FOXN3: variants seen among roughly 807,000 people sequenced by gnomAD.
The protein encoded by FOXN3 is forkhead box N3.
In FOXN3, 7 loss-of-function variants were observed where a neutral mutation model predicts 38.4. The ratio of observed to expected loss-of-function variants is 0.18; its 90% CI spans 0.10 to 0.34. FOXN3 has a LOEUF of 0.34. Among genes scored for constraint, FOXN3 ranks in the 10% least tolerant of loss-of-function variants. The pLI is 1.00. For missense variants in FOXN3, 456 were observed against 613.4 expected, an observed-to-expected ratio of 0.74 and a Z score of 2.71; for synonymous variants, 230 against 242.2, an observed-to-expected ratio of 0.95 and a Z score of 0.47.
At chr14:89,544,591 C>T (rs1209340606) in intron 1 of FOXN3, among the ~76,000 whole-genome samples, 1 of 152,134 alleles carries the variant, frequency 6.6e-6, no homozygotes, top group African/African-American at 2.4e-5. Flanking sequence ...ATTTGGAATA[C>T]ATTTACTATC....
At chr14:89,444,539 C>T (rs905089110) in intron 1 of FOXN3, among the ~76,000 whole-genome samples, 3 of 151,870 alleles carry the variant, frequency 2.0e-5, no homozygotes, top group African/African-American at 4.8e-5. Flanking sequence ...GTAGGAGAAA[C>T]GGTTATTATA....
chr14:89,318,825 C>T (rs542731154), intron 3 of FOXN3, among the ~76,000 whole-genome samples: 97 of 152,330 alleles, frequency 6.4e-4, no homozygotes, highest in Admixed American at 5.6e-3. Context: ...CAGATGAAGC[C>T]GCCGACCCGA....
At chr14:89,553,291 G>T (rs2139866367) in intron 1 of FOXN3, among the ~76,000 whole-genome samples, 1 of 150,936 alleles carries the variant, frequency 6.6e-6, no homozygotes, top group African/African-American at 2.4e-5. Flanking sequence ...TTTCTGGTGT[G>T]GGGGGCTACA....
chr14:89,226,983 ATC>A (rs1884660419), intron 4 of FOXN3, among the ~76,000 whole-genome samples: 1 of 152,168 alleles, frequency 6.6e-6, no homozygotes, highest in Non-Finnish European at 1.5e-5. Flanking sequence ...GAGACAATAA[ATC>A]TCTGTTGTTG....
At chr14:89,223,741 G>C (rs541868825) in intron 4 of FOXN3, among the ~76,000 whole-genome samples, 2 of 152,136 alleles carry the variant, frequency 1.3e-5, no homozygotes, top group African/African-American at 2.4e-5. Context: ...TGGAAGTCAG[G>C]GGGAGAGGCG....
At chr14:89,486,331 A>C (rs1156426638) in intron 1 of FOXN3, among the ~76,000 whole-genome samples, 1 of 152,220 alleles carries the variant, frequency 6.6e-6, no homozygotes, top group Non-Finnish European at 1.5e-5. Flanking sequence ...AGAATTTTAA[A>C]TAAAGATGTG....
rs1887101020 is a variant in FOXN3 at position 89,161,568 on chromosome 14, TGTGTGTGTGTGTG to T, written c.*833_*845del. 1 of 131,024 alleles carries T rather than the reference TGTGTGTGTGTGTG, an allele frequency of 7.6e-6. No individual in the cohort carries two copies. Among genetic ancestry groups the T allele is most frequent in the African/African-American group, 3.4e-5 (1 of 29,400 alleles). 8.1% of individuals were successfully genotyped at this position (131,024 alleles called of 1,614,324 possible). A position where few individuals can be genotyped will look rare whatever the true frequency, so the allele number is the denominator to read the frequency against. The stretch of plus-strand genomic sequence containing the variant: ...TCTCTCTCTCCTTCGTGTGTGTGTG[TGTGTGTGTGTGTG>T]TGTGTGTGTGTGTGTGCGTGCGTGC... On this transcript the variant is annotated 3_prime_UTR_variant, in exon 6 of 6. Transcript: ENST00000557258.
chr14:89,387,229 T>A (rs888836182), intron 2 of FOXN3, among the ~76,000 whole-genome samples: 12 of 152,138 alleles, frequency 7.9e-5, no homozygotes, highest in African/African-American at 2.9e-4. Flanking sequence ...GCACTTTAGC[T>A]TGGGAGACAG....
chr14:89,196,225 C>T (rs1284122620), intron 4 of FOXN3, among the ~76,000 whole-genome samples: 1 of 152,182 alleles, frequency 6.6e-6, no homozygotes, highest in African/African-American at 2.4e-5. Flanking sequence ...GGGAGACAAA[C>T]AGGTAACACA....
intron 2 of FOXN3, among the ~76,000 whole-genome samples, chr14:89,379,193 C>G (rs1006888678): frequency 6.6e-6 from 1 of 152,212 alleles, no homozygotes; most frequent in Non-Finnish European, 1.5e-5. Context: ...GGCTGTGTCT[C>G]CTCGGTGCCA....
intron 4 of FOXN3, among the ~76,000 whole-genome samples, chr14:89,256,274 A>G (rs1028377060): frequency 6.6e-6 from 1 of 152,196 alleles, no homozygotes; most frequent in Non-Finnish European, 1.5e-5. Flanking sequence ...AAAATCAATC[A>G]ATCAGTCAAT....
At chr14:89,278,832 G>A (rs1886376199) in intron 4 of FOXN3, among the ~76,000 whole-genome samples, 2 of 152,268 alleles carry the variant, frequency 1.3e-5, no homozygotes, top group South Asian at 4.2e-4. Flanking sequence ...AAAAACCTGA[G>A]AGAGTGGCAT....
chr14:89,498,210 C>CTTTTTTTTTTTTTTTTTTTT (rs547081117), intron 1 of FOXN3, among the ~76,000 whole-genome samples: 1 of 81,072 alleles, frequency 1.2e-5, no homozygotes, highest in Non-Finnish European at 2.2e-5. Context: ...CTCTCTCTCT[C>CTTTTTTTTTTTTTTTTTTTT]TTTTTTTTTT....
At chr14:89,384,310 A>C (rs1345779693) in intron 2 of FOXN3, among the ~76,000 whole-genome samples, 1 of 137,288 alleles carries the variant, frequency 7.3e-6, no homozygotes. Flanking sequence ...CACTGTGCTC[A>C]CTTTGCAGAT....
intron 1 of FOXN3, among the ~76,000 whole-genome samples, chr14:89,486,088 G>A (rs1893438751): frequency 6.6e-6 from 1 of 152,144 alleles, no homozygotes; most frequent in Non-Finnish European, 1.5e-5. Context: ...TGCCTAAACT[G>A]TGGGCTCCCT....
At chr14:89,601,467 C>T (rs889587518) in intron 1 of FOXN3, among the ~76,000 whole-genome samples, 1 of 152,186 alleles carries the variant, frequency 6.6e-6, no homozygotes, top group Non-Finnish European at 1.5e-5. Flanking sequence ...CACAATTTAA[C>T]TTAGGTCCAT....
intron 5 of FOXN3, among the ~76,000 whole-genome samples, chr14:89,171,649 GTTATC>G (rs1887391383): frequency 1.3e-5 from 2 of 152,120 alleles, no homozygotes; most frequent in Admixed American, 6.5e-5. Context: ...AAATTTTATA[GTTATC>G]TTAACAATGC....
At chr14:89,372,705 C>T (rs1406451504) in intron 2 of FOXN3, among the ~76,000 whole-genome samples, 8 of 143,034 alleles carry the variant, frequency 5.6e-5, no homozygotes, top group South Asian at 2.2e-4. Flanking sequence ...AAAAACTATG[C>T]GCTGTCTCAT....
chr14:89,239,376 G>T (rs563650235), intron 4 of FOXN3, among the ~76,000 whole-genome samples: 34 of 152,170 alleles, frequency 2.2e-4, no homozygotes, highest in African/African-American at 7.2e-4. Flanking sequence ...TTTCTTGGAG[G>T]GGGGAGGAGC....
Sources: gnomAD v4.1 joint callset for allele counts (sites outside exome capture counted in the v4.1 genomes callset) on GRCh38, gnomAD v4.1.1 for gene constraint, MANE v1.5 for transcripts, NCBI Gene and HGNC (gene_info 2026-07-23, HGNC 2026-07-21) for gene names.